Variants in FCHO2 observed in about 807,000 individuals in gnomAD.
FCHO2 encodes the protein FCH and mu domain containing endocytic adaptor 2.
FCHO2 carries 43 observed loss-of-function variants against 114.1 expected under a neutral mutation model. The observed-to-expected ratio is 0.38, with a 90% CI of 0.30 to 0.49. FCHO2 has a LOEUF of 0.49. Among genes scored for constraint, FCHO2 ranks in the 20% least tolerant of loss-of-function variants. The probability of loss-of-function intolerance (pLI) is 0.97; values close to 1 mark genes in which losing one functional copy is unlikely to be tolerated. For synonymous variants in FCHO2, 293 were observed against 315.2 expected, an observed-to-expected ratio of 0.93 and a Z score of 0.75; for missense variants, 807 against 950.4, an observed-to-expected ratio of 0.85 and a Z score of 1.98.
chr5:73,066,906 G>A (rs1478402496), intron 18 of FCHO2, among the ~76,000 whole-genome samples: 2 of 151,832 alleles, frequency 1.3e-5, no homozygotes, highest in Admixed American at 6.6e-5. Context: ...AAGCAATGCC[G>A]TCCAATAGAA....
At chr5:72,989,578 T>G in intron 3 of FCHO2, 77 bp downstream of exon 3, 1 of 1,113,072 alleles carries the variant, frequency 9.0e-7, no homozygotes, top group Non-Finnish European at 1.3e-6. Flanking sequence ...TTTGAGGACA[T>G]AACAGTTCAA....
intron 11 of FCHO2, among the ~76,000 whole-genome samples, chr5:73,042,856 GTTC>G (rs767749370): frequency 1.5e-4 from 23 of 152,292 alleles, no homozygotes; most frequent in Admixed American, 5.2e-4. Flanking sequence ...AAATAGTGGT[GTTC>G]TTCTGGTGGA....
intron 10 of FCHO2, chr5:73,037,659 A>G: frequency 7.0e-6 from 2 of 286,382 alleles, no homozygotes; most frequent in Non-Finnish European, 6.8e-6. Flanking sequence ...TTGATGGAAA[A>G]TGTTAAATAG....
intron 1 of FCHO2, among the ~76,000 whole-genome samples, chr5:72,968,219 C>T (rs574752283): frequency 3.9e-5 from 6 of 152,250 alleles, no homozygotes; most frequent in Admixed American, 2.0e-4. Flanking sequence ...CCACCACACC[C>T]GGTCACAACT....
At chr5:72,965,391 A>C (rs897519636) in intron 1 of FCHO2, among the ~76,000 whole-genome samples, 2 of 152,242 alleles carry the variant, frequency 1.3e-5, no homozygotes, top group Admixed American at 1.3e-4. Flanking sequence ...ATTAAAAAAT[A>C]CTTTATTGCT....
In FCHO2 at chr5:73,001,434, G is replaced by A. The variant is rs147029424; in HGVS notation, c.496-5011G>A. On this transcript the variant is annotated intron_variant, in intron 5 of 25. Coordinates refer to ENST00000430046, the MANE Select transcript of FCHO2 (RefSeq NM_138782.3). Reference sequence around the variant, plus strand: ...ACTGCACTACAGCCCAGATGACAGAGCGAGATCCTGTCTCAAAAAAAAAAA... The same window carrying A: ...ACTGCACTACAGCCCAGATGACAGAACGAGATCCTGTCTCAAAAAAAAAAA... Among the ~76,000 whole-genome samples the A allele has an allele frequency of 3.7e-3, 471 of 127,990 alleles. 3 individuals carry two copies. Among genetic ancestry groups the A allele is most frequent in the African/African-American group, 0.014 (458 of 33,166 alleles). 84.0% of individuals were successfully genotyped at this position (127,990 alleles called of 152,430 possible).
chr5:73,006,369 T>C, intron 5 of FCHO2, 76 bp from the exon 6 acceptor site: 2 of 838,752 alleles, frequency 2.4e-6, no homozygotes, highest in South Asian at 6.7e-5. Flanking sequence ...TTTAATTTGT[T>C]ATTCATATTA....
intron 6 of FCHO2, 38 bp downstream of exon 6, chr5:73,006,587 T>C (rs769381471): frequency 1.2e-5 from 16 of 1,345,572 alleles, no homozygotes; most frequent in Non-Finnish European, 1.6e-5. Flanking sequence ...AACAGGGCAT[T>C]TATATTTGTG....
chr5:73,041,142 T>A (rs777443258), intron 10 of FCHO2, 149 bp from the exon 11 acceptor site: 4 of 560,494 alleles, frequency 7.1e-6, no homozygotes, highest in Non-Finnish European at 9.6e-6. Flanking sequence ...TAATTTGGTA[T>A]GTTTTAATCT....
intron 9 of FCHO2, among the ~76,000 whole-genome samples, chr5:73,035,870 G>A (rs1322279148): frequency 7.2e-5 from 11 of 151,938 alleles, no homozygotes; most frequent in Admixed American, 6.6e-4. Flanking sequence ...TTGAGACGGG[G>A]TCTTGCTCTG....
chr5:73,057,567 A>G (rs1245604009), intron 16 of FCHO2, among the ~76,000 whole-genome samples: 6 of 152,178 alleles, frequency 3.9e-5, no homozygotes, highest in Non-Finnish European at 8.8e-5. Flanking sequence ...TTGATGCATT[A>G]AAATATGTAA....
chr5:73,031,986 A>G (rs1195014322), intron 8 of FCHO2, among the ~76,000 whole-genome samples: 1 of 152,248 alleles, frequency 6.6e-6, no homozygotes, highest in Non-Finnish European at 1.5e-5. Flanking sequence ...CAAAAAAAAT[A>G]ACTTGTCTTA....
rs1311232073 is a variant in FCHO2 at position 73,090,423 on chromosome 5, ATC to A, written c.*2335_*2336del. 2 of 152,644 alleles carry A rather than the reference ATC, an allele frequency of 1.3e-5. No individual in the cohort carries two copies. The highest frequency in any genetic ancestry group is 3.8e-4 in the East Asian group (2 of 5,196). The allele number at this position is 152,644 out of a possible 1,614,324, so 9.5% of individuals were successfully genotyped here. ...TTGGATTGTAATTAGAACAATGCACATCTGTCTTCCAAGATTTTGTAAATATT... is the reference window on the plus strand; with the variant it reads ...TTGGATTGTAATTAGAACAATGCACATGTCTTCCAAGATTTTGTAAATATT... On this transcript the variant is annotated 3_prime_UTR_variant, in exon 26 of 26. Coordinates refer to ENST00000430046, the MANE Select transcript of FCHO2 (RefSeq NM_138782.3).
chr5:73,064,153 A>G (rs1298014913), intron 18 of FCHO2, among the ~76,000 whole-genome samples: 4 of 152,090 alleles, frequency 2.6e-5, no homozygotes, highest in Admixed American at 6.6e-5. Flanking sequence ...TCCAGGAGGA[A>G]AGAGATTTCC....
intron 1 of FCHO2, among the ~76,000 whole-genome samples, chr5:72,960,663 A>G (rs1043196262): frequency 2.0e-5 from 3 of 152,192 alleles, no homozygotes; most frequent in African/African-American, 7.2e-5. Flanking sequence ...TGAGATTATA[A>G]CAACATTGCT....
chr5:72,967,099 A>T (rs1311788261), intron 1 of FCHO2, among the ~76,000 whole-genome samples: 2 of 152,236 alleles, frequency 1.3e-5, no homozygotes, highest in Non-Finnish European at 2.9e-5. Context: ...CTGCCTGGCC[A>T]ACATGGCAAA....
At chr5:72,984,588 C>T (rs913492512) in intron 2 of FCHO2, among the ~76,000 whole-genome samples, 5 of 152,034 alleles carry the variant, frequency 3.3e-5, no homozygotes, top group African/African-American at 7.2e-5. Flanking sequence ...TTTTTTAGTT[C>T]TGTGAGTTTG....
At chr5:72,963,689 C>T (rs895004830) in intron 1 of FCHO2, among the ~76,000 whole-genome samples, 2 of 152,000 alleles carry the variant, frequency 1.3e-5, no homozygotes, top group African/African-American at 4.8e-5. Flanking sequence ...GCTAGAACTA[C>T]AGGCGCATGC....
At chr5:73,047,609 C>T (rs1434747081) in intron 11 of FCHO2, among the ~76,000 whole-genome samples, 1 of 150,570 alleles carries the variant, frequency 6.6e-6, no homozygotes, top group African/African-American at 2.4e-5. Context: ...TCCTCAGTGT[C>T]CTTGCAGGAT....
Sources: gnomAD v4.1 joint callset for allele counts (sites outside exome capture counted in the v4.1 genomes callset) on GRCh38, gnomAD v4.1.1 for gene constraint, MANE v1.5 for transcripts, NCBI Gene and HGNC (gene_info 2026-07-23, HGNC 2026-07-21) for gene names.